ZC3H12B: variants seen among roughly 807,000 people sequenced by gnomAD.
ZC3H12B encodes probable ribonuclease ZC3H12B.
A neutral mutation model predicts 43.9 loss-of-function variants in ZC3H12B; 7 were observed. That is an observed-to-expected ratio of 0.16 (90% CI 0.09 to 0.30). The LOEUF (loss-of-function observed/expected upper bound fraction) is 0.30, where lower values mean the gene tolerates loss of function less well. Among genes scored for constraint, ZC3H12B ranks in the 10% least tolerant of loss-of-function variants. The pLI is 1.00. For missense variants in ZC3H12B, 475 were observed against 670.2 expected (o/e 0.71, Z 3.22); for synonymous variants, 222 against 241.7 (o/e 0.92, Z 0.76).
chrX:65,456,986 T>C (rs2067627508), intron 3 of ZC3H12B, among the ~76,000 whole-genome samples: 1 of 100,680 alleles, frequency 9.9e-6, no homozygotes, highest in Non-Finnish European at 2.0e-5. Flanking sequence ...CCATCCCATC[T>C]AGGAAGCGAG....
At chrX:65,078,431 G>C in the ZC3H12B span, among the ~76,000 whole-genome samples, 4 of 112,068 alleles carry the variant, frequency 3.6e-5, no homozygotes, top group Admixed American at 3.8e-4. Context: ...AGATGAGAAT[G>C]AGTAGCTAGT....
the ZC3H12B span, among the ~76,000 whole-genome samples, chrX:65,187,683 T>A: frequency 9.2e-6 from 1 of 108,249 alleles, no homozygotes; most frequent in Non-Finnish European, 1.9e-5. Flanking sequence ...TTTTTTCTGG[T>A]ACGTAGTAGG....
At chrX:65,145,079 T>C in the ZC3H12B span, among the ~76,000 whole-genome samples, 1 of 111,519 alleles carries the variant, frequency 9.0e-6, no homozygotes. Context: ...TTGATGTCCC[T>C]CACTATTATT....
chrX:65,113,668 C>T, the ZC3H12B span, among the ~76,000 whole-genome samples: 8 of 109,966 alleles, frequency 7.3e-5, no homozygotes, highest in Non-Finnish European at 1.3e-4. Context: ...TTTAAGAAAA[C>T]GCCACAGCAC....
At chrX:65,330,052 G>T in the ZC3H12B span, among the ~76,000 whole-genome samples, 1 of 111,407 alleles carries the variant, frequency 9.0e-6, no homozygotes, top group African/African-American at 3.3e-5. Flanking sequence ...GGTTCCATAT[G>T]AACTTTAAAG....
intron 3 of ZC3H12B, 148 bp downstream of exon 8, chrX:65,499,381 T>C (rs1000533624): frequency 2.2e-6 from 1 of 452,411 alleles, no homozygotes; most frequent in African/African-American, 2.4e-5. Context: ...GGACTCACCC[T>C]TAAGAGACTC....
At chrX:65,232,373 G>A in the ZC3H12B span, among the ~76,000 whole-genome samples, 13 of 111,496 alleles carry the variant, frequency 1.2e-4, no homozygotes, top group South Asian at 7.6e-4. Flanking sequence ...TGGTCCCTCC[G>A]TTCGGGGTCC....
At chrX:65,213,025 A>T in the ZC3H12B span, among the ~76,000 whole-genome samples, 3 of 106,893 alleles carry the variant, frequency 2.8e-5, no homozygotes, top group Middle Eastern at 4.9e-3. Context: ...TCACTTCTTT[A>T]TTTTTTATCC....
chrX:65,135,720 C>A, the ZC3H12B span, among the ~76,000 whole-genome samples: 2 of 103,488 alleles, frequency 1.9e-5, no homozygotes, highest in Non-Finnish European at 3.9e-5. Flanking sequence ...TTTAGCCACA[C>A]ATGTCTCTGA....
At chrX:65,464,165 G>A (rs1403452457) in intron 3 of ZC3H12B, among the ~76,000 whole-genome samples, 2 of 111,920 alleles carry the variant, frequency 1.8e-5, no homozygotes, top group Non-Finnish European at 3.8e-5. Context: ...CCTGAGAGAG[G>A]GCCTGATATG....
chrX:65,078,969 ATTCT>A, the ZC3H12B span, among the ~76,000 whole-genome samples: 9,047 of 111,048 alleles, frequency 0.081, 1,004 homozygotes, highest in African/African-American at 0.29. Context: ...GAGCTCATTC[ATTCT>A]TTCTAATTTT....
chrX:65,064,127 A>G, the ZC3H12B span, among the ~76,000 whole-genome samples: 1 of 111,539 alleles, frequency 9.0e-6, no homozygotes, highest in African/African-American at 3.3e-5. Flanking sequence ...CGAGTTTTTG[A>G]AAGGTTTTTC....
the ZC3H12B span, among the ~76,000 whole-genome samples, chrX:65,209,822 A>G: frequency 1.0e-5 from 1 of 100,265 alleles, no homozygotes; most frequent in Admixed American, 1.1e-4. Flanking sequence ...TGGGGAAAGG[A>G]TTCCCTATTT....
At chrX:65,283,159 C>T in the ZC3H12B span, among the ~76,000 whole-genome samples, 14 of 111,070 alleles carry the variant, frequency 1.3e-4, no homozygotes, top group African/African-American at 4.3e-4. Context: ...GGATGCGAGG[C>T]TGGTTCAACA....
chrX:65,436,999 C>A (rs995144709), intron 3 of ZC3H12B, among the ~76,000 whole-genome samples: 1 of 110,294 alleles, frequency 9.1e-6, no homozygotes, highest in Non-Finnish European at 1.9e-5. Context: ...ATCACCCTGG[C>A]TGTAGTACAG....
At chrX:65,257,429 A>G in the ZC3H12B span, among the ~76,000 whole-genome samples, 1 of 110,555 alleles carries the variant, frequency 9.0e-6, no homozygotes, top group African/African-American at 3.3e-5. Flanking sequence ...CAGGGCAGAG[A>G]ACATCACACT....
upstream of ZC3H12B, among the ~76,000 whole-genome samples, chrX:65,487,483 C>G (rs763119005): frequency 6.3e-5 from 7 of 111,079 alleles, no homozygotes; most frequent in Admixed American, 1.9e-4. Flanking sequence ...GAGGTTGCAG[C>G]GAGCTGAGCT....
At chrX:65,507,761 T>A (rs2068440280) in exon 5 of ZC3H12B, 1 of 112,498 alleles carries the variant, frequency 8.9e-6, no homozygotes, top group Non-Finnish European at 1.9e-5. Context: ...CTCGCTAGCA[T>A]GAATGTGCTA....
chrX:65,084,066 A>G, the ZC3H12B span, among the ~76,000 whole-genome samples: 8 of 112,101 alleles, frequency 7.1e-5, no homozygotes, highest in African/African-American at 2.3e-4. Context: ...ATGCAGAAGA[A>G]TGAAACTAGA....
Sources: gnomAD v4.1 joint callset for allele counts (sites outside exome capture counted in the v4.1 genomes callset) on GRCh38, gnomAD v4.1.1 for gene constraint, MANE v1.5 for transcripts, NCBI Gene and HGNC (gene_info 2026-07-23, HGNC 2026-07-21) for gene names.